ERC1: variants seen among roughly 807,000 people sequenced by gnomAD.
ERC1 encodes the protein RAB6 interacting protein 2.
In ERC1, 56 loss-of-function variants were observed where a neutral mutation model predicts 132.0. The observed-to-expected ratio is 0.42, with a 90% CI of 0.34 to 0.53. The LOEUF is 0.53. Ranked by LOEUF, ERC1 falls within the 20% of genes least tolerant of loss-of-function variation. The probability of loss-of-function intolerance (pLI) is 0.03; values close to 1 mark genes in which losing one functional copy is unlikely to be tolerated. For synonymous variants in ERC1, 478 were observed against 476.1 expected (o/e 1.00, Z -0.05); for missense variants, 1,202 against 1,349.9 (o/e 0.89, Z 1.72).
At chr12:1,235,467 G>A (rs1223335996) in intron 12 of ERC1, among the ~76,000 whole-genome samples, 1 of 152,162 alleles carries the variant, frequency 6.6e-6, no homozygotes, top group Non-Finnish European at 1.5e-5. Context: ...TATCTATAAT[G>A]TATAAAGAAT....
At chr12:1,304,050 G>A (rs935501745) in intron 15 of ERC1, among the ~76,000 whole-genome samples, 1 of 151,190 alleles carries the variant, frequency 6.6e-6, no homozygotes, top group Non-Finnish European at 1.5e-5. Flanking sequence ...CTGGATTCCT[G>A]AGTGTTTCTT....
At chr12:1,213,994 A>C (rs769874020) in intron 12 of ERC1, among the ~76,000 whole-genome samples, 1 of 152,190 alleles carries the variant, frequency 6.6e-6, no homozygotes, top group Non-Finnish European at 1.5e-5. Flanking sequence ...ATCATTGGAT[A>C]TGCTGCACTT....
intron 17 of ERC1, among the ~76,000 whole-genome samples, chr12:1,421,674 G>A (rs1376307467): frequency 6.6e-6 from 1 of 152,066 alleles, no homozygotes; most frequent in African/African-American, 2.4e-5. Context: ...TACAAATTTT[G>A]TAACCTCCAG....
intron 15 of ERC1, among the ~76,000 whole-genome samples, chr12:1,348,827 A>G (rs745899307): frequency 6.6e-6 from 1 of 152,040 alleles, no homozygotes; most frequent in South Asian, 2.1e-4. Context: ...GAGCATTCCT[A>G]TATTCATTTC....
chr12:1,140,631 A>G (rs1289070063), intron 7 of ERC1, among the ~76,000 whole-genome samples: 1 of 152,112 alleles, frequency 6.6e-6, no homozygotes, highest in Admixed American at 6.6e-5. Flanking sequence ...TTTGTGGTTT[A>G]ATCCACGTTC....
chr12:1,120,409 G>T (rs1440047862), intron 7 of ERC1, among the ~76,000 whole-genome samples: 1 of 152,192 alleles, frequency 6.6e-6, no homozygotes, highest in African/African-American at 2.4e-5. Flanking sequence ...AATGGCATGG[G>T]TTAGACAAGA....
intron 15 of ERC1, among the ~76,000 whole-genome samples, chr12:1,312,574 G>A (rs970312208): frequency 6.6e-6 from 1 of 152,122 alleles, no homozygotes; most frequent in Admixed American, 6.5e-5. Context: ...GGTCAGGCTC[G>A]TCTCAAACTC....
At chr12:1,320,447 T>A (rs2082037888) in intron 15 of ERC1, among the ~76,000 whole-genome samples, 1 of 152,222 alleles carries the variant, frequency 6.6e-6, no homozygotes, top group Non-Finnish European at 1.5e-5. Context: ...CCCTTTTCTT[T>A]CCAGCAGAGT....
chr12:1,103,454 GA>G (rs1469238608), intron 3 of ERC1, among the ~76,000 whole-genome samples: 1 of 152,200 alleles, frequency 6.6e-6, no homozygotes, highest in African/African-American at 2.4e-5. Context: ...GCTCCATTAA[GA>G]AAACACTGTA....
intron 18 of ERC1, among the ~76,000 whole-genome samples, chr12:1,476,517 A>G (rs142581917): frequency 8.5e-5 from 13 of 152,320 alleles, no homozygotes; most frequent in African/African-American, 3.1e-4. Context: ...GCCAATAAAT[A>G]TATATTTTTT....
chr12:1,306,299 C>T (rs1279168760), intron 15 of ERC1, among the ~76,000 whole-genome samples: 2 of 152,126 alleles, frequency 1.3e-5, no homozygotes, highest in Non-Finnish European at 2.9e-5. Flanking sequence ...GTGGAACTTA[C>T]TGCTGGGAAG....
In ERC1 at chr12:1,412,836, C is replaced by T. The variant is rs572694666; in HGVS notation, c.3024+4589C>T. 3.9e-5 allele frequency among the ~76,000 whole-genome samples: 6 copies of T among 152,248 alleles called. No homozygotes were observed. The South Asian group carries it at 8.3e-4, about 21-fold the overall frequency. On this transcript the variant is annotated intron_variant, in intron 17 of 18. Coordinates refer to ENST00000360905, the MANE Select transcript of ERC1 (RefSeq NM_178040.4). ...GTACATGCCTTTGTTATGCTGTTGC[C>T]GTTGTCATCATTAACTTAGATCCGT... is the stretch of plus-strand genomic sequence containing the variant.
chr12:1,412,260 CTTT>C (rs2091893150), intron 17 of ERC1, among the ~76,000 whole-genome samples: 1 of 152,190 alleles, frequency 6.6e-6, no homozygotes, highest in Non-Finnish European at 1.5e-5. Flanking sequence ...GAAATTCAAA[CTTT>C]TGAAATTGAC....
At chr12:1,083,076 T>C (rs1412871092) in intron 2 of ERC1, 88 bp from the exon 3 acceptor site, 10 of 1,097,168 alleles carry the variant, frequency 9.1e-6, no homozygotes, top group Non-Finnish European at 1.1e-5. Flanking sequence ...AGATTTCTTG[T>C]AGCTATTTTT....
At chr12:1,407,399 T>A (rs1026891268) in intron 16 of ERC1, among the ~76,000 whole-genome samples, 1 of 152,026 alleles carries the variant, frequency 6.6e-6, no homozygotes, top group Non-Finnish European at 1.5e-5. Flanking sequence ...ACAAAGAAAA[T>A]TTTAAAATTA....
At position 1,189,862 on chromosome 12, in the gene ERC1, C is replaced by T; in HGVS notation, c.2161C>T (p.His721Tyr). Residue 721 changes from histidine (H) to tyrosine (Y), a missense_variant, in exon 12 of 19, where the codon CAT becomes TAT. Physicochemically the swap from His to Tyr is moderately conservative, Grantham distance 83. Coordinates refer to ENST00000360905, the MANE Select transcript of ERC1 (RefSeq NM_178040.4). ...ATTGAAATGCTTTTCTTTGTAGGCA[C>T]ATGAGGCAGCATTGGAAGCCAGAGC... ...LKMESQLKKA[H>Y]EAALEARASP... 6.3e-7 allele frequency: 1 copy of T among 1,599,544 alleles called. No homozygotes were observed. Among genetic ancestry groups the T allele is most frequent in the Non-Finnish European group, 8.5e-7 (1 of 1,171,690 alleles).
At chr12:1,316,336 A>G (rs1019851829) in intron 15 of ERC1, among the ~76,000 whole-genome samples, 1 of 152,148 alleles carries the variant, frequency 6.6e-6, no homozygotes, top group African/African-American at 2.4e-5. Context: ...AACCATGCCA[A>G]TTTTTGCTCA....
intron 18 of ERC1, among the ~76,000 whole-genome samples, chr12:1,454,365 C>T (rs961458208): frequency 2.6e-5 from 4 of 152,130 alleles, no homozygotes; most frequent in South Asian, 4.1e-4. Flanking sequence ...TCCCATAAGC[C>T]ATTCTATCAA....
chr12:1,013,615 T>C (rs1488443968), intron 1 of ERC1, among the ~76,000 whole-genome samples: 1 of 152,160 alleles, frequency 6.6e-6, no homozygotes, highest in Admixed American at 6.6e-5. Flanking sequence ...CAGATTAAGG[T>C]TATACAACTA....
Sources: allele counts gnomAD v4.1 joint callset (sites outside exome capture counted in the v4.1 genomes callset), GRCh38; gene constraint gnomAD v4.1.1; transcripts MANE v1.5; gene names NCBI Gene and HGNC (gene_info 2026-07-23, HGNC 2026-07-21).